Variants in PTK2 observed in about 807,000 individuals in gnomAD.
PTK2 encodes focal adhesion kinase 1.
Under a neutral mutation model 150.1 loss-of-function variants are expected in PTK2, and 45 were observed. The observed-to-expected ratio is 0.30, with a 90% CI of 0.24 to 0.38. The LOEUF is 0.38. Ranked by LOEUF, PTK2 falls within the 10% of genes least tolerant of loss-of-function variation. PTK2 has a pLI of 1.00. For synonymous variants in PTK2, 432 were observed against 449.2 expected, an observed-to-expected ratio of 0.96 and a Z score of 0.48; for missense variants, 919 against 1,307.3, an observed-to-expected ratio of 0.70 and a Z score of 4.58.
chr8:140,860,260 TTGTACA>T (rs2100135279), intron 5 of PTK2, among the ~76,000 whole-genome samples: 1 of 152,326 alleles, frequency 6.6e-6, no homozygotes, highest in Admixed American at 6.5e-5. Flanking sequence ...ATAAGCACCC[TTGTACA>T]TGTATGCATA....
chr8:140,664,786 A>G, intron 31 of PTK2, 131 bp downstream of exon 35: 1 of 883,620 alleles, frequency 1.1e-6, no homozygotes, highest in Non-Finnish European at 1.8e-6. Context: ...AGGGAAGGTC[A>G]TCGCTTGTAG....
At chr8:140,760,199 C>T (rs1030564600) in intron 16 of PTK2, among the ~76,000 whole-genome samples, 3 of 151,234 alleles carry the variant, frequency 2.0e-5, no homozygotes, top group Non-Finnish European at 2.9e-5. Context: ...TCCAGCCTGG[C>T]GACAGAGCAA....
chr8:140,706,009 C>A, intron 24 of PTK2, 110 bp downstream of exon 27: 1 of 854,788 alleles, frequency 1.2e-6, no homozygotes. Flanking sequence ...TTTCTATCGG[C>A]CAAATCATAC....
Position 140,867,295 on chromosome 8 carries a change from G to C in PTK2, c.363-2896C>G, listed in dbSNP as rs191947637. ...AGGAGGAGACAGCAAGATTCTGGGTGAGAAATAATAGCCAGGTTAATATTC... is the reference window on the plus strand; with the variant it reads ...AGGAGGAGACAGCAAGATTCTGGGTCAGAAATAATAGCCAGGTTAATATTC... On this transcript the variant is annotated intron_variant, in intron 4 of 31. Transcript: ENST00000522684. 6.6e-5 allele frequency among the ~76,000 whole-genome samples: 10 copies of C among 152,260 alleles called. No individual in the cohort carries two copies. The East Asian group carries it at 1.9e-3, about 29-fold the overall frequency.
At chr8:140,861,427 A>G (rs2100136022) in intron 5 of PTK2, among the ~76,000 whole-genome samples, 1 of 152,314 alleles carries the variant, frequency 6.6e-6, no homozygotes, top group Middle Eastern at 3.4e-3. Context: ...TAAAAAGACA[A>G]GAAGAGAAAC....
intron 21 of PTK2, among the ~76,000 whole-genome samples, chr8:140,736,185 T>C (rs1208750237): frequency 6.6e-6 from 1 of 152,246 alleles, no homozygotes; most frequent in Admixed American, 6.5e-5. Context: ...CGGAATACTA[T>C]GCAGGCATAA....
At chr8:140,995,806 A>T (rs961345656) in intron 1 of PTK2, among the ~76,000 whole-genome samples, 2 of 152,132 alleles carry the variant, frequency 1.3e-5, no homozygotes, top group Non-Finnish European at 2.9e-5. Context: ...AAAATAAAAT[A>T]AAAAAGATAG....
chr8:140,684,408 C>G (rs570072363), intron 27 of PTK2, among the ~76,000 whole-genome samples: 1 of 152,242 alleles, frequency 6.6e-6, no homozygotes, highest in Non-Finnish European at 1.5e-5. Context: ...CGGGCTAGCC[C>G]GCCATTCACC....
At chr8:140,722,507 A>T (rs1229491127) in intron 22 of PTK2, among the ~76,000 whole-genome samples, 1 of 152,208 alleles carries the variant, frequency 6.6e-6, no homozygotes, top group Non-Finnish European at 1.5e-5. Flanking sequence ...GGCTGGAGTG[A>T]TCCTCCCACC....
intron 1 of PTK2, among the ~76,000 whole-genome samples, chr8:140,929,688 C>T (rs1202913302): frequency 1.3e-5 from 2 of 152,082 alleles, no homozygotes; most frequent in African/African-American, 4.8e-5. Context: ...TTTAAAGGTC[C>T]ATTCAGTTTA....
chr8:140,926,177 C>A (rs1341903588), intron 1 of PTK2, among the ~76,000 whole-genome samples: 3 of 152,228 alleles, frequency 2.0e-5, no homozygotes, highest in Non-Finnish European at 4.4e-5. Context: ...CAGTGCTTTA[C>A]ATCTATTTTC....
intron 1 of PTK2, among the ~76,000 whole-genome samples, chr8:140,968,181 TA>T (rs942553956): frequency 6.6e-6 from 1 of 152,236 alleles, no homozygotes; most frequent in Non-Finnish European, 1.5e-5. Flanking sequence ...AAAGAGGCTG[TA>T]AAATTATTGA....
At chr8:140,673,264 C>T (rs916788894) in intron 29 of PTK2, among the ~76,000 whole-genome samples, 26 of 152,064 alleles carry the variant, frequency 1.7e-4, no homozygotes, top group African/African-American at 4.8e-4. Context: ...TGCACCACCA[C>T]GCCCAGCTAA....
intron 17 of PTK2, among the ~76,000 whole-genome samples, chr8:140,750,998 C>G (rs921557917): frequency 2.0e-5 from 3 of 151,958 alleles, no homozygotes; most frequent in Non-Finnish European, 2.9e-5. Context: ...ATCTGTAGTA[C>G]CAGGTATTTG....
chr8:140,881,767 C>G (rs2100149232), intron 3 of PTK2, among the ~76,000 whole-genome samples: 1 of 152,230 alleles, frequency 6.6e-6, no homozygotes, highest in Non-Finnish European at 1.5e-5. Flanking sequence ...TTCATCTCTG[C>G]TGAACTCACA....
At chr8:140,820,966 T>G (rs1403777424) in intron 8 of PTK2, 1 of 152,206 alleles carries the variant, frequency 6.6e-6, no homozygotes, top group Admixed American at 6.5e-5. Flanking sequence ...GGTGGGGTCA[T>G]GGAGGTAATA....
At chr8:140,734,402 A>C (rs1258209624) in intron 22 of PTK2, among the ~76,000 whole-genome samples, 1 of 152,220 alleles carries the variant, frequency 6.6e-6, no homozygotes, top group Admixed American at 6.5e-5. Flanking sequence ...ACAAATGTTT[A>C]TTGAGCACTT....
chr8:140,905,362 G>C (rs367735582), intron 2 of PTK2, among the ~76,000 whole-genome samples: 1 of 150,824 alleles, frequency 6.6e-6, no homozygotes, highest in Non-Finnish European at 1.5e-5. Context: ...AAAAAAAAAA[G>C]CAGAGGTTGC....
intron 2 of PTK2, chr8:140,920,760 G>A (rs1007143889): frequency 1.3e-5 from 17 of 1,321,010 alleles, no homozygotes; most frequent in Non-Finnish European, 1.6e-5. Flanking sequence ...CTACCTTTTC[G>A]GTGCAAAAGC....
Sources: allele counts gnomAD v4.1 joint callset (sites outside exome capture counted in the v4.1 genomes callset), GRCh38; gene constraint gnomAD v4.1.1; transcripts MANE v1.5; gene names NCBI Gene and HGNC (gene_info 2026-07-23, HGNC 2026-07-21).